The following IFT56 variants were observed in gnomAD, a reference collection of about 807,000 sequenced individuals.
The protein encoded by IFT56 is intraflagellar transport protein 56.
the IFT56 span, among the ~76,000 whole-genome samples, chr7:139,167,825 C>T: frequency 6.6e-6 from 1 of 151,678 alleles, no homozygotes; most frequent in East Asian, 1.9e-4. Context: ...CCTGTAATCC[C>T]AGCTACTCGG....
the IFT56 span, among the ~76,000 whole-genome samples, chr7:139,172,130 A>AC: frequency 8.3e-6 from 1 of 120,452 alleles, no homozygotes; most frequent in East Asian, 2.4e-4. Flanking sequence ...ACCAATTTGC[A>AC]AAAAAAAAAA....
the IFT56 span, among the ~76,000 whole-genome samples, chr7:139,154,160 T>G: frequency 3.9e-5 from 6 of 152,184 alleles, no homozygotes; most frequent in African/African-American, 7.2e-5. Context: ...TTTAAGTTCT[T>G]TGCCCATTTT....
chr7:139,173,287 G>T, the IFT56 span: 1 of 466,006 alleles, frequency 2.1e-6, no homozygotes, highest in Non-Finnish European at 3.8e-6. Context: ...GAGTGCAGTG[G>T]TGTGATCTCG....
chr7:139,160,927 C>A, the IFT56 span: 3 of 1,601,078 alleles, frequency 1.9e-6, no homozygotes, highest in Non-Finnish European at 2.6e-6. Flanking sequence ...TTTTCATAAG[C>A]CTTTCTTCTT....
At chr7:139,174,038 G>A in the IFT56 span, 1 of 613,178 alleles carries the variant, frequency 1.6e-6, no homozygotes, top group Admixed American at 1.9e-5. Flanking sequence ...TTAAGACAGA[G>A]TCAATCAACA....
At chr7:139,134,719 A>G in the IFT56 span, 1 of 1,614,120 alleles carries the variant, frequency 6.2e-7, no homozygotes, top group Non-Finnish European at 8.5e-7. Flanking sequence ...AGAAAGAAGA[A>G]AGGTAGGAAG....
the IFT56 span, among the ~76,000 whole-genome samples, chr7:139,142,920 A>T: frequency 6.6e-6 from 1 of 152,188 alleles, no homozygotes; most frequent in Admixed American, 6.5e-5. Context: ...CCTAGAAATA[A>T]ATATACACTT....
the IFT56 span, among the ~76,000 whole-genome samples, chr7:139,176,652 C>T: frequency 2.6e-5 from 4 of 152,200 alleles, no homozygotes; most frequent in Admixed American, 1.3e-4. Context: ...CTATGCCTGG[C>T]ATCTATTCTG....
the IFT56 span, chr7:139,137,778 ATT>A: frequency 7.7e-7 from 1 of 1,296,002 alleles, no homozygotes; most frequent in Non-Finnish European, 1.1e-6. Flanking sequence ...CCAACGTAGC[ATT>A]TTTTTTTAAA....
the IFT56 span, chr7:139,168,577 AAAAAC>A: frequency 6.7e-6 from 4 of 593,706 alleles, no homozygotes; most frequent in African/African-American, 5.6e-5. Context: ...GACAAAAAAA[AAAAAC>A]AAAAAAAAAA....
the IFT56 span, chr7:139,168,521 C>T: frequency 1.4e-6 from 1 of 718,862 alleles, no homozygotes; most frequent in South Asian, 1.5e-5. Context: ...TTCTCCATAT[C>T]CCCCAATCCA....
chr7:139,178,217 C>A, the IFT56 span: 7 of 1,612,676 alleles, frequency 4.3e-6, no homozygotes, highest in Non-Finnish European at 2.5e-6. Context: ...GTTTCAGATA[C>A]AATACCAGGG....
At chr7:139,140,517 C>T in the IFT56 span, among the ~76,000 whole-genome samples, 2 of 152,090 alleles carry the variant, frequency 1.3e-5, no homozygotes, top group African/African-American at 2.4e-5. Flanking sequence ...CGGTGGCTCA[C>T]GCCTGTAATC....
At chr7:139,162,130 T>A in the IFT56 span, among the ~76,000 whole-genome samples, 1 of 152,068 alleles carries the variant, frequency 6.6e-6, no homozygotes, top group Non-Finnish European at 1.5e-5. Flanking sequence ...AGAAGGAGTA[T>A]CAACAAATGA....
the IFT56 span, among the ~76,000 whole-genome samples, chr7:139,140,339 T>G: frequency 6.6e-6 from 1 of 152,200 alleles, no homozygotes; most frequent in Non-Finnish European, 1.5e-5. Flanking sequence ...CTGTGGACTT[T>G]ATCGCTGCTT....
the IFT56 span, chr7:139,173,035 A>G: frequency 9.3e-5 from 68 of 731,268 alleles, no homozygotes; most frequent in African/African-American, 9.2e-4. Flanking sequence ...GGACCACCTC[A>G]GAGACTGCAA....
the IFT56 span, chr7:139,134,556 C>G: frequency 7.3e-7 from 1 of 1,361,902 alleles, no homozygotes; most frequent in Non-Finnish European, 9.8e-7. Flanking sequence ...GCATGAGCCA[C>G]TGTGCCCGGC....
At chr7:139,185,629 T>A in the IFT56 span, among the ~76,000 whole-genome samples, 1 of 152,102 alleles carries the variant, frequency 6.6e-6, no homozygotes, top group Non-Finnish European at 1.5e-5. Context: ...AACATAAAAG[T>A]CAGAAGAGTA....
chr7:139,147,986 A>C, the IFT56 span, among the ~76,000 whole-genome samples: 1 of 152,034 alleles, frequency 6.6e-6, no homozygotes, highest in Admixed American at 6.6e-5. Flanking sequence ...AACAGCGTGA[A>C]CTTTCCCTTT....
Sources: allele counts gnomAD v4.1 joint callset (sites outside exome capture counted in the v4.1 genomes callset), GRCh38; gene constraint gnomAD v4.1.1; transcripts MANE v1.5; gene names NCBI Gene and HGNC (gene_info 2026-07-23, HGNC 2026-07-21).